Variants in CDH23 observed in about 807,000 individuals in gnomAD.
The protein encoded by CDH23 is cadherin-23.
A neutral mutation model predicts 317.1 loss-of-function variants in CDH23; 189 were observed. The observed-to-expected ratio is 0.60, with a 90% confidence interval of 0.53 to 0.67. The LOEUF (loss-of-function observed/expected upper bound fraction) is 0.67. CDH23 is among the 30% of genes least tolerant of loss of function. CDH23 has a pLI of 0.00. For synonymous variants in CDH23, 1,839 were observed against 1,876.8 expected (o/e 0.98, Z 0.52); for missense variants, 4,401 against 4,592.4 (o/e 0.96, Z 1.20).
At position 71,709,106 on chromosome 10, in the gene CDH23, G is replaced by A. The variant is rs781597943; in HGVS notation, c.3115G>A (p.Val1039Met). The A allele has an allele frequency of 2.7e-4, 437 of 1,613,740 alleles. No individual in the cohort carries two copies. Among genetic ancestry groups the A allele is most frequent in the Non-Finnish European group, 3.4e-4 (397 of 1,179,890 alleles). Reference sequence around the variant, plus strand: ...CTCTCCTTCACCCACAGGTGGCAACGTGGATGGGAAGTTCAGCGTGGGTTA... The same window carrying A: ...CTCTCCTTCACCCACAGGTGGCAACATGGATGGGAAGTTCAGCGTGGGTTA... ...ELSYFITGGN[V>M]DGKFSVGYRD... Residue 1039 changes from valine (V) to methionine (M), a missense_variant, in exon 27 of 70, where the codon GTG (valine) becomes ATG (methionine). By Grantham distance (21) the Val-to-Met change is conservative (BLOSUM62 1). Coordinates refer to ENST00000224721, the MANE Select transcript of CDH23 (RefSeq NM_022124.6).
intron 18 of CDH23, among the ~76,000 whole-genome samples, chr10:71,684,743 A>G (rs1372473992): frequency 6.6e-6 from 1 of 152,170 alleles, no homozygotes. Flanking sequence ...GGGAGTTCCC[A>G]TGAGTGGGCT....
At chr10:71,441,352 C>T (rs80254324) in intron 2 of CDH23, among the ~76,000 whole-genome samples, 139 of 152,208 alleles carry the variant, frequency 9.1e-4, no homozygotes, top group African/African-American at 3.2e-3. Flanking sequence ...CTTCAGCCTC[C>T]CCGGGGACTC....
intron 1 of CDH23, among the ~76,000 whole-genome samples, chr10:71,406,041 G>A (rs1398845896): frequency 6.8e-6 from 1 of 147,460 alleles, no homozygotes; most frequent in Non-Finnish European, 1.5e-5. Context: ...TTTGAGGCAA[G>A]GTCTTTCTCT....
At chr10:71,637,171 G>A (rs911850312) in intron 11 of CDH23, among the ~76,000 whole-genome samples, 1 of 152,178 alleles carries the variant, frequency 6.6e-6, no homozygotes, top group Non-Finnish European at 1.5e-5. Flanking sequence ...TATTCGATGG[G>A]CTTTTATTTT....
intron 6 of CDH23, among the ~76,000 whole-genome samples, chr10:71,526,460 A>G (rs530064618): frequency 1.3e-5 from 2 of 152,292 alleles, no homozygotes; most frequent in Admixed American, 6.5e-5. Context: ...AAAGATGGAA[A>G]AGGGCTGCCT....
intron 6 of CDH23, among the ~76,000 whole-genome samples, chr10:71,541,616 T>A (rs1321497585): frequency 6.6e-6 from 1 of 152,256 alleles, no homozygotes; most frequent in Admixed American, 6.5e-5. Flanking sequence ...CCCAGCTCCC[T>A]CCTTGGGTTT....
At chr10:71,611,280 G>C (rs1389949226) in intron 9 of CDH23, among the ~76,000 whole-genome samples, 2 of 152,180 alleles carry the variant, frequency 1.3e-5, no homozygotes, top group Admixed American at 6.5e-5. Context: ...TCCTGAATGA[G>C]GGGGGAGCAG....
chr10:71,754,488 G>C (rs1840083727), intron 38 of CDH23, among the ~76,000 whole-genome samples: 1 of 152,164 alleles, frequency 6.6e-6, no homozygotes, highest in Non-Finnish European at 1.5e-5. Flanking sequence ...GGAGGCAAGG[G>C]TAAAAAACTC....
At chr10:71,466,741 AAC>A (rs1403513344) in intron 3 of CDH23, among the ~76,000 whole-genome samples, 1 of 152,082 alleles carries the variant, frequency 6.6e-6, no homozygotes, top group African/African-American at 2.4e-5. Context: ...CCCGCTTACA[AAC>A]ACACCTCTGC....
chr10:71,755,439 CCCGTAGCCAGGGCTGCAG>C, intron 38 of CDH23: 2 of 1,613,018 alleles, frequency 1.2e-6, no homozygotes, highest in Non-Finnish European at 1.7e-6. Flanking sequence ...GATGCAGGCA[CCCGTAGCCAGGGCTGCAG>C]CCGTGATGTC....
intron 22 of CDH23, among the ~76,000 whole-genome samples, chr10:71,697,880 A>C (rs1221520100): frequency 6.6e-6 from 1 of 152,110 alleles, no homozygotes; most frequent in Non-Finnish European, 1.5e-5. Flanking sequence ...TGGCTGTTCC[A>C]CCGCTGGCGT....
At chr10:71,650,356 G>A (rs959841833) in intron 14 of CDH23, among the ~76,000 whole-genome samples, 4 of 152,254 alleles carry the variant, frequency 2.6e-5, no homozygotes, top group Non-Finnish European at 2.9e-5. Context: ...GAGGGTTCAG[G>A]ATGAATGTGC....
intron 14 of CDH23, among the ~76,000 whole-genome samples, chr10:71,662,253 C>G (rs1863705725): frequency 6.6e-6 from 1 of 152,046 alleles, no homozygotes; most frequent in Non-Finnish European, 1.5e-5. Context: ...CAATATGGTT[C>G]ATTAGTGAGC....
Position 71,732,034 on chromosome 10 carries a change from A to T in CDH23, c.3763A>T (p.Lys1255Ter). 6.2e-7 allele frequency: 1 copy of T among 1,613,880 alleles called. No homozygotes were observed. The change falls in exon 32 of 70, where the codon AAG becomes TAG. Residue 1255 changes from lysine (K) to a stop codon, truncating the protein, a stop_gained. Coordinates refer to ENST00000224721, the MANE Select transcript of CDH23 (RefSeq NM_022124.6). LOFTEE classifies it high-confidence loss of function. The part of the protein sequence containing the change: ...NYRILSGAEG[K>*]FEIDESTGLI... ...CCGCATCCTGTCGGGCGCAGAGGGG[A>T]AGTTTGAGATTGACGAGAGCACAGG...
chr10:71,480,622 A>C (rs900339940), intron 3 of CDH23, among the ~76,000 whole-genome samples: 2 of 152,338 alleles, frequency 1.3e-5, no homozygotes, highest in South Asian at 2.1e-4. Context: ...AAGATGGAGC[A>C]GGACCTGCTG....
At chr10:71,489,462 C>G (rs1852525637) in intron 3 of CDH23, among the ~76,000 whole-genome samples, 1 of 152,178 alleles carries the variant, frequency 6.6e-6, no homozygotes, top group South Asian at 2.1e-4. Context: ...ATTTGCAAGC[C>G]TCTCTTTCCA....
chr10:71,669,628 A>C (rs772729394), intron 14 of CDH23, among the ~76,000 whole-genome samples: 1 of 151,966 alleles, frequency 6.6e-6, no homozygotes, highest in Non-Finnish European at 1.5e-5. Flanking sequence ...TTGTATTTTT[A>C]ATAGAGACTG....
chr10:71,672,469 C>T (rs1253585383), intron 14 of CDH23, among the ~76,000 whole-genome samples: 1 of 152,114 alleles, frequency 6.6e-6, no homozygotes. Flanking sequence ...GTTCGGCTTC[C>T]TACACTTGAA....
chr10:71,617,860 C>T (rs531974358), intron 11 of CDH23, among the ~76,000 whole-genome samples: 10 of 151,950 alleles, frequency 6.6e-5, no homozygotes, highest in African/African-American at 2.4e-4. Flanking sequence ...GGCGTGGTGG[C>T]GGGCACCTGT....
Sources: allele counts gnomAD v4.1 joint callset (sites outside exome capture counted in the v4.1 genomes callset), GRCh38; gene constraint gnomAD v4.1.1; transcripts MANE v1.5; gene names NCBI Gene and HGNC (gene_info 2026-07-23, HGNC 2026-07-21).